The following SPATS2 variants were observed in gnomAD, a reference collection of about 807,000 sequenced individuals.
SPATS2 encodes the protein spermatogenesis-associated serine-rich protein 2.
A neutral mutation model predicts 63.7 loss-of-function variants in SPATS2; 38 were observed. The ratio of observed to expected loss-of-function variants is 0.60; its 90% CI spans 0.46 to 0.78. SPATS2 has a LOEUF of 0.78. Among genes scored for constraint, SPATS2 ranks in the 30% least tolerant of loss-of-function variants. The pLI, the probability that SPATS2 is intolerant of heterozygous loss-of-function variation, is 0.00. For missense variants in SPATS2, 588 were observed against 666.2 expected, an observed-to-expected ratio of 0.88 and a Z score of 1.29; for synonymous variants, 207 against 232.9, an observed-to-expected ratio of 0.89 and a Z score of 1.01.
chr12:49,417,693 C>T (rs1832318668), intron 2 of SPATS2, among the ~76,000 whole-genome samples: 1 of 152,194 alleles, frequency 6.6e-6, no homozygotes, highest in Non-Finnish European at 1.5e-5. Context: ...CCCATCTTCT[C>T]TGATGACCTA....
At chr12:49,520,610 G>C (rs1169846671) in intron 11 of SPATS2, among the ~76,000 whole-genome samples, 1 of 152,044 alleles carries the variant, frequency 6.6e-6, no homozygotes, top group African/African-American at 2.4e-5. Context: ...GCATGTACTT[G>C]GTCTTCTGTA....
chr12:49,455,658 G>A (rs961721854), intron 2 of SPATS2, among the ~76,000 whole-genome samples: 2 of 152,218 alleles, frequency 1.3e-5, no homozygotes, highest in Non-Finnish European at 2.9e-5. Flanking sequence ...GTCTCATTCC[G>A]TTGCTTAGGC....
chr12:49,367,868 G>A (rs1352688470), intron 1 of SPATS2, among the ~76,000 whole-genome samples: 1 of 152,106 alleles, frequency 6.6e-6, no homozygotes, highest in Non-Finnish European at 1.5e-5. Context: ...GAGCGTGTGT[G>A]GGGTATTGGA....
chr12:49,495,562 C>A (rs959427105), intron 7 of SPATS2, among the ~76,000 whole-genome samples: 1 of 152,136 alleles, frequency 6.6e-6, no homozygotes. Flanking sequence ...TGGAAATCAT[C>A]TAACTTGAAC....
chr12:49,472,812 G>T (rs980066095), intron 3 of SPATS2, among the ~76,000 whole-genome samples: 1 of 150,778 alleles, frequency 6.6e-6, no homozygotes, highest in Non-Finnish European at 1.5e-5. Context: ...GGCTGAGGTG[G>T]TCGGATCCCT....
chr12:49,388,653 G>A (rs1025974040), intron 2 of SPATS2, among the ~76,000 whole-genome samples: 1 of 150,048 alleles, frequency 6.7e-6, no homozygotes, highest in Non-Finnish European at 1.5e-5. Context: ...TGGGATTACA[G>A]GCATGAGCCA....
At chr12:49,470,097 T>C (rs1460494313) in intron 3 of SPATS2, among the ~76,000 whole-genome samples, 1 of 151,924 alleles carries the variant, frequency 6.6e-6, no homozygotes, top group African/African-American at 2.4e-5. Flanking sequence ...AATGGCACAG[T>C]CTTGGCTCAC....
intron 9 of SPATS2, among the ~76,000 whole-genome samples, chr12:49,510,087 G>A (rs557155535): frequency 4.0e-5 from 6 of 150,638 alleles, no homozygotes; most frequent in East Asian, 2.0e-4. Flanking sequence ...TGAGACCCCC[G>A]CCTCTATAAT....
In SPATS2 at chr12:49,525,898, A is replaced by G. The variant is rs150871648; in HGVS notation, c.1327-46A>G. On this transcript the variant is annotated intron_variant, in intron 13 of 13. Transcript: ENST00000552918. The stretch of plus-strand genomic sequence containing the variant: ...CTCCTGTAAAGTGAACGAATGGGGT[A>G]CCATAATGCTAGAGCACCTTGAACA... 7,676 of 1,579,084 alleles carry G rather than the reference A, an allele frequency of 4.9e-3. 44 individuals carry two copies. Among genetic ancestry groups the G allele is most frequent in the Middle Eastern group, 8.2e-3 (48 of 5,840 alleles).
chr12:49,458,483 G>GAA (rs542751587), intron 2 of SPATS2, among the ~76,000 whole-genome samples: 4 of 146,390 alleles, frequency 2.7e-5, no homozygotes, highest in African/African-American at 1.0e-4. Flanking sequence ...AAAAGGAAAA[G>GAA]AAAAAAAAAA....
At chr12:49,380,716 T>A (rs112061867) in intron 2 of SPATS2, among the ~76,000 whole-genome samples, 9,376 of 145,888 alleles carry the variant, frequency 0.064, 900 homozygotes, top group African/African-American at 0.21. Flanking sequence ...AAAAAAAAAA[T>A]ATATATATAT....
At chr12:49,388,512 T>C (rs1363504062) in intron 2 of SPATS2, among the ~76,000 whole-genome samples, 2 of 152,106 alleles carry the variant, frequency 1.3e-5, no homozygotes, top group East Asian at 3.9e-4. Context: ...CAATTGGGAC[T>C]ACAGGCATGT....
chr12:49,477,562 C>A (rs1022988807), intron 3 of SPATS2, among the ~76,000 whole-genome samples: 1 of 152,150 alleles, frequency 6.6e-6, no homozygotes, highest in Non-Finnish European at 1.5e-5. Context: ...AACCGTCAGT[C>A]GGTATGCTTA....
chr12:49,415,177 C>A (rs1247285030), intron 2 of SPATS2, among the ~76,000 whole-genome samples: 1 of 151,600 alleles, frequency 6.6e-6, no homozygotes, highest in African/African-American at 2.4e-5. Flanking sequence ...TGATCTGCCC[C>A]CCTCAGCCTC....
In SPATS2 at chr12:49,460,855, G is replaced by A; in HGVS notation, c.-158G>A. The stretch of plus-strand genomic sequence containing the variant: ...ACAAGAAAAGGAAAGGAGATTAACA[G>A]CTAGTGAGCAGAATTTCGAACAGCA... On this transcript the variant is annotated 5_prime_UTR_variant, in exon 3 of 14. Transcript: ENST00000552918. 1.5e-6 allele frequency: 1 copy of A among 687,462 alleles called. No individual in the cohort carries two copies. The highest frequency in any genetic ancestry group is 2.6e-6 in the Non-Finnish European group (1 of 385,062). 42.6% of individuals were successfully genotyped at this position (687,462 alleles called of 1,614,324 possible).
intron 2 of SPATS2, among the ~76,000 whole-genome samples, chr12:49,435,755 A>C (rs1352296287): frequency 6.7e-6 from 1 of 150,262 alleles, no homozygotes; most frequent in Non-Finnish European, 1.5e-5. Flanking sequence ...AAGTGAACAA[A>C]GGTCTCTGGT....
intron 2 of SPATS2, among the ~76,000 whole-genome samples, chr12:49,381,447 C>G (rs1323592825): frequency 6.6e-6 from 1 of 152,164 alleles, no homozygotes; most frequent in Non-Finnish European, 1.5e-5. Context: ...AAAGATTTGA[C>G]TCTGTCAGTG....
chr12:49,417,851 TGG>T (rs1944913495), intron 2 of SPATS2, among the ~76,000 whole-genome samples: 1 of 152,232 alleles, frequency 6.6e-6, no homozygotes, highest in Admixed American at 6.5e-5. Flanking sequence ...TTGTTGAATT[TGG>T]GGTAGAGGGA....
chr12:49,450,975 T>A lies in SPATS2; in HGVS notation c.-243-9795T>A, dbSNP rs538732330. On this transcript the variant is annotated intron_variant, in intron 2 of 13. Transcript: ENST00000552918. ...CCTCTGCCTCCTGGACTCAAGTGAT[T>A]CTCCTGCCTCAGCCTCCCGAGTAAC... is the stretch of plus-strand genomic sequence containing the variant. Among the ~76,000 whole-genome samples, 13 of 152,010 alleles carry A rather than the reference T, an allele frequency of 8.6e-5. No individual in the cohort carries two copies. In the South Asian group the frequency reaches 2.7e-3, roughly 32 times the overall value.
Sources: gnomAD v4.1 joint callset for allele counts (sites outside exome capture counted in the v4.1 genomes callset) on GRCh38, gnomAD v4.1.1 for gene constraint, MANE v1.5 for transcripts, NCBI Gene and HGNC (gene_info 2026-07-23, HGNC 2026-07-21) for gene names.